The following RGL1 variants were observed in gnomAD, a reference collection of about 807,000 sequenced individuals.
RGL1 encodes the protein ral guanine nucleotide dissociation stimulator-like 1.
A neutral mutation model predicts 95.2 loss-of-function variants in RGL1; 24 were observed. That is an observed-to-expected ratio of 0.25 (90% CI 0.18 to 0.35). The LOEUF (loss-of-function observed/expected upper bound fraction) is 0.35, where lower values mean the gene tolerates loss of function less well. Ranked by LOEUF, RGL1 falls within the 10% of genes least tolerant of loss-of-function variation. RGL1 has a pLI of 1.00. For synonymous variants in RGL1, 329 were observed against 344.9 expected (o/e 0.95, Z 0.51); for missense variants, 715 against 936.3 (o/e 0.76, Z 3.08).
At chr1:183,646,498 T>C (rs1650304924) in intron 1 of RGL1, 1 of 152,172 alleles carries the variant, frequency 6.6e-6, no homozygotes, top group African/African-American at 2.4e-5. Context: ...TCTTTACATA[T>C]TTCAAAGAGG....
intron 2 of RGL1, among the ~76,000 whole-genome samples, chr1:183,776,242 G>A (rs1011936290): frequency 5.6e-4 from 82 of 147,512 alleles, no homozygotes; most frequent in Middle Eastern, 3.5e-3. Context: ...TCCGCCTCCC[G>A]GGTTCACGCC....
At chr1:183,661,739 G>A (rs1350955137) in intron 1 of RGL1, among the ~76,000 whole-genome samples, 3 of 150,464 alleles carry the variant, frequency 2.0e-5, no homozygotes, top group Non-Finnish European at 4.4e-5. Context: ...TCAAAGCCGG[G>A]CAGAAGAGAC....
At chr1:183,702,086 A>C (rs939462105) in intron 1 of RGL1, among the ~76,000 whole-genome samples, 1 of 152,264 alleles carries the variant, frequency 6.6e-6, no homozygotes, top group Non-Finnish European at 1.5e-5. Context: ...AAGAAGCCTG[A>C]ACATTACTTG....
intron 12 of RGL1, among the ~76,000 whole-genome samples, chr1:183,902,838 G>T (rs1035804669): frequency 6.6e-6 from 1 of 151,998 alleles, no homozygotes; most frequent in Admixed American, 6.6e-5. Flanking sequence ...TAAATTACTG[G>T]ACGAGAATCT....
intron 1 of RGL1, among the ~76,000 whole-genome samples, chr1:183,741,506 G>A (rs1657302600): frequency 6.6e-6 from 1 of 152,174 alleles, no homozygotes; most frequent in Non-Finnish European, 1.5e-5. Flanking sequence ...ATATCAAAGG[G>A]ATCTTCCTCT....
intron 16 of RGL1, among the ~76,000 whole-genome samples, chr1:183,916,931 T>C (rs1669016266): frequency 6.6e-6 from 1 of 152,140 alleles, no homozygotes; most frequent in African/African-American, 2.4e-5. Flanking sequence ...ATGGTGTATA[T>C]AGGATATAAT....
At chr1:183,730,964 A>C (rs967241741) in intron 1 of RGL1, among the ~76,000 whole-genome samples, 1 of 152,172 alleles carries the variant, frequency 6.6e-6, no homozygotes, top group Admixed American at 6.5e-5. Context: ...TCTGAAGTGG[A>C]CAAATGGAGT....
In RGL1 at chr1:183,716,312, T is replaced by A. The variant is rs550217852; in HGVS notation, c.-32-25814T>A. Among the ~76,000 whole-genome samples the A allele has an allele frequency of 3.9e-4, 59 of 152,354 alleles. 1 individual carries two copies. The highest frequency in any genetic ancestry group is 1.4e-3 in the African/African-American group (59 of 41,580). ...TATGTTTTAGTTAGGGTAAGCTAAC[T>A]GTTATAACAAATAGACTCCAAAATT... On this transcript the variant is annotated intron_variant, in intron 1 of 18. Coordinates refer to the RGL1 transcript ENST00000304685.
chr1:183,803,575 G>A (rs754270822), upstream of RGL1, among the ~76,000 whole-genome samples: 12 of 152,290 alleles, frequency 7.9e-5, no homozygotes, highest in East Asian at 1.9e-4. Context: ...AATTTAAGCC[G>A]CCCTGTCCAG....
chr1:183,927,705 C>T lies in RGL1; in HGVS notation c.*1413C>T, dbSNP rs1334422173. ...GTGGAATATTGACATGTGTAAGAAG[C>T]ACTTTCAGAATGTTGTCCTTTTTAA... On this transcript the variant is annotated 3_prime_UTR_variant, in exon 18 of 18. Transcript: ENST00000360851. 1 of 152,646 alleles carries T rather than the reference C, an allele frequency of 6.6e-6. No homozygotes were observed. The highest frequency in any genetic ancestry group is 1.5e-5 in the Non-Finnish European group (1 of 68,044). 9.5% of individuals were successfully genotyped at this position (152,646 alleles called of 1,614,324 possible).
chr1:183,752,633 C>CTTTTTTTT (rs71130635), intron 2 of RGL1, among the ~76,000 whole-genome samples: 1 of 146,530 alleles, frequency 6.8e-6, no homozygotes. Flanking sequence ...TTCCTTTGTA[C>CTTTTTTTT]TTATTCTGAG....
intron 1 of RGL1, among the ~76,000 whole-genome samples, chr1:183,668,003 ATG>A (rs71130628): frequency 4.8e-4 from 65 of 135,146 alleles, no homozygotes; most frequent in Non-Finnish European, 8.4e-5. Flanking sequence ...GCTTATATAT[ATG>A]TGTGTGTGTG....
chr1:183,866,740 C>T (rs1399684144), intron 4 of RGL1, among the ~76,000 whole-genome samples: 2 of 152,134 alleles, frequency 1.3e-5, no homozygotes, highest in Non-Finnish European at 2.9e-5. Context: ...AGTGCTGTGG[C>T]CTGACACATC....
intron 1 of RGL1, among the ~76,000 whole-genome samples, chr1:183,693,627 A>G (rs934874203): frequency 1.3e-5 from 2 of 151,064 alleles, no homozygotes; most frequent in Admixed American, 6.6e-5. Flanking sequence ...AGGGACATGA[A>G]GGGAGGATGA....
chr1:183,868,430 G>A (rs1451129724), intron 4 of RGL1, among the ~76,000 whole-genome samples: 6 of 152,114 alleles, frequency 3.9e-5, no homozygotes, highest in Admixed American at 2.0e-4. Flanking sequence ...GAGCCTTCTC[G>A]CTCAAAGTGT....
intron 1 of RGL1, among the ~76,000 whole-genome samples, chr1:183,663,962 A>G (rs965960712): frequency 2.0e-5 from 3 of 150,952 alleles, no homozygotes; most frequent in East Asian, 3.9e-4. Context: ...CCATTGCAAG[A>G]ACAAAAAACC....
At chr1:183,827,995 G>GA (rs1237952152) in intron 2 of RGL1, among the ~76,000 whole-genome samples, 1 of 152,200 alleles carries the variant, frequency 6.6e-6, no homozygotes, top group Non-Finnish European at 1.5e-5. Context: ...CACTTGCAGA[G>GA]ACAGTGCTTT....
chr1:183,716,343 T>A (rs1360151245), intron 1 of RGL1, among the ~76,000 whole-genome samples: 2 of 152,240 alleles, frequency 1.3e-5, no homozygotes, highest in East Asian at 3.8e-4. Flanking sequence ...AAATTTCTAC[T>A]GGCTTAATCA....
At chr1:183,735,203 A>AT (rs943208051) in intron 1 of RGL1, among the ~76,000 whole-genome samples, 8 of 152,230 alleles carry the variant, frequency 5.3e-5, no homozygotes, top group Non-Finnish European at 1.0e-4. Flanking sequence ...CACTTCTTTA[A>AT]TTTTCTACAT....
Sources: allele counts gnomAD v4.1 joint callset (sites outside exome capture counted in the v4.1 genomes callset), GRCh38; gene constraint gnomAD v4.1.1; transcripts MANE v1.5; gene names NCBI Gene and HGNC (gene_info 2026-07-23, HGNC 2026-07-21).